Variants in ACTL8 observed in about 807,000 individuals in gnomAD.
The protein encoded by ACTL8 is actin like 8.
A neutral mutation model predicts 9.3 loss-of-function variants in ACTL8; 3 were observed. The observed-to-expected ratio is 0.32, with a 90% CI of 0.15 to 0.83. ACTL8 has a LOEUF of 0.83. ACTL8 is among the 40% of genes least tolerant of loss of function. The probability of loss-of-function intolerance (pLI) is 0.57; values close to 1 mark genes in which losing one functional copy is unlikely to be tolerated. For missense variants in ACTL8, 381 were observed against 492.2 expected (o/e 0.77, Z 2.14); for synonymous variants, 224 against 205.9 (o/e 1.09, Z -0.75).
chr1:17,763,764 C>A (rs1057389872), intron 1 of ACTL8, among the ~76,000 whole-genome samples: 1 of 152,214 alleles, frequency 6.6e-6, no homozygotes, highest in Non-Finnish European at 1.5e-5. Flanking sequence ...CATTCCCTCC[C>A]CCTGCAGAAA....
Position 17,761,578 on chromosome 1 carries a change from G to GT in ACTL8, c.-25+6084dup, listed in dbSNP as rs532574511. Among the ~76,000 whole-genome samples, 274 of 147,374 alleles carry GT rather than the reference G, an allele frequency of 1.9e-3. 2 individuals are homozygous for GT. Among genetic ancestry groups the GT allele is most frequent in the Admixed American group, 2.6e-3 (38 of 14,758 alleles). ...GGGTATGTGGGCCCAAACTTGTTCTGTTTTTTTTTTGGGACTGAGTCTCGC... is the reference window on the plus strand; with the variant it reads ...GGGTATGTGGGCCCAAACTTGTTCTGTTTTTTTTTTTGGGACTGAGTCTCGC... On this transcript the variant is annotated intron_variant, in intron 1 of 2. Coordinates refer to ENST00000375406, the MANE Select transcript of ACTL8 (RefSeq NM_030812.3).
intron 1 of ACTL8, among the ~76,000 whole-genome samples, chr1:17,782,577 C>T (rs557690334): frequency 1.1e-4 from 16 of 152,274 alleles, no homozygotes; most frequent in Admixed American, 4.6e-4. Flanking sequence ...ACATACGTAA[C>T]GGTGTAACTC....
intron 2 of ACTL8, among the ~76,000 whole-genome samples, chr1:17,825,545 G>GC (rs1373451782): frequency 1.3e-5 from 2 of 152,180 alleles, no homozygotes; most frequent in African/African-American, 4.8e-5. Context: ...GTGGTCTTCT[G>GC]AACAGCCACG....
intron 1 of ACTL8, among the ~76,000 whole-genome samples, chr1:17,788,166 G>A (rs1419737447): frequency 6.6e-6 from 1 of 152,160 alleles, no homozygotes; most frequent in African/African-American, 2.4e-5. Context: ...CTGTGTAGCA[G>A]TTATTTTGCC....
At chr1:17,813,260 A>G (rs569480618) in intron 1 of ACTL8, among the ~76,000 whole-genome samples, 1 of 152,336 alleles carries the variant, frequency 6.6e-6, no homozygotes, top group East Asian at 1.9e-4. Context: ...ACTATTACCT[A>G]TGTGAGTTGT....
chr1:17,826,131 A>G lies in ACTL8; in HGVS notation c.713A>G (p.Tyr238Cys). The change falls in exon 3 of 3, where the codon TAT becomes TGT. Residue 238 changes from tyrosine (Y) to cysteine (C), a missense_variant. This residue lies in a region of ACTL8 where 243 missense variants were observed against 276.2 expected (regional missense o/e 0.88). Transcript: ENST00000375406. The surrounding 1 kb of genome is among the most constrained non-coding windows in gnomAD (Gnocchi z 4.5). ...QQSALDESNT[Y>C]QLPDGSRVEL... is the part of the protein sequence containing the mutation. ...AGTGCCTTGGATGAGAGCAACACCTATCAGCTCCCAGACGGCTCCCGCGTG... is the reference window on the plus strand; with the variant it reads ...AGTGCCTTGGATGAGAGCAACACCTGTCAGCTCCCAGACGGCTCCCGCGTG... 6.2e-7 allele frequency: 1 copy of G among 1,610,936 alleles called. No individual in the cohort carries two copies. The highest frequency in any genetic ancestry group is 8.5e-7 in the Non-Finnish European group (1 of 1,178,914).
intron 1 of ACTL8, among the ~76,000 whole-genome samples, chr1:17,790,479 C>T (rs1324472854): frequency 1.3e-5 from 2 of 152,150 alleles, no homozygotes; most frequent in East Asian, 1.9e-4. Flanking sequence ...CAGTGGAGGC[C>T]CTGGAGTGGG....
At chr1:17,766,436 G>T (rs556712383) in intron 1 of ACTL8, among the ~76,000 whole-genome samples, 1 of 152,070 alleles carries the variant, frequency 6.6e-6, no homozygotes, top group Non-Finnish European at 1.5e-5. Context: ...ACACACACTC[G>T]GTCTGGGACC....
chr1:17,783,553 G>C lies in ACTL8; in HGVS notation c.-25+28049G>C, dbSNP rs72929186. Among the ~76,000 whole-genome samples the C allele has an allele frequency of 6.8e-3, 1,031 of 152,260 alleles. 9 individuals are homozygous for C. Among genetic ancestry groups the C allele is most frequent in the African/African-American group, 0.024 (991 of 41,540 alleles). On this transcript the variant is annotated intron_variant, in intron 1 of 2. Coordinates refer to ENST00000375406, the MANE Select transcript of ACTL8 (RefSeq NM_030812.3). ...CATGCCGGACTAGAATAGAGGAAAA[G>C]GAGTTCCATTCCTGCTGCCGTTTGG... is the stretch of plus-strand genomic sequence containing the variant.
At chr1:17,813,340 TA>T (rs2066405791) in intron 1 of ACTL8, among the ~76,000 whole-genome samples, 1 of 152,232 alleles carries the variant, frequency 6.6e-6, no homozygotes. Context: ...ATTTTTATGA[TA>T]AATGCATGTT....
At position 17,826,418 on chromosome 1, in the gene ACTL8, A is replaced by G. The variant is rs2053723210; in HGVS notation, c.1000A>G (p.Asn334Asp). Residue 334 changes from asparagine to aspartate, a missense_variant, in exon 3 of 3, where the codon AAC becomes GAC. Physicochemically the swap from Asn to Asp is conservative, Grantham distance 23 (BLOSUM62 1). This residue lies in a region of ACTL8 where 243 missense variants were observed against 276.2 expected (regional missense o/e 0.88). Coordinates refer to ENST00000375406, the MANE Select transcript of ACTL8 (RefSeq NM_030812.3). This position sits in a 1 kb window ranked among gnomAD's most constrained non-coding sequence, Gnocchi z 4.5. ...KATVWEGSNRNFSVWLGASVV... is the reference protein window; with the variant it reads ...KATVWEGSNRDFSVWLGASVV... ...CACAGTCTGGGAGGGTTCCAATAGA[A>G]ACTTTAGTGTCTGGCTAGGAGCGTC... 6.2e-7 allele frequency: 1 copy of G among 1,614,002 alleles called. No individual in the cohort carries two copies. Among genetic ancestry groups the G allele is most frequent in the Non-Finnish European group, 8.5e-7 (1 of 1,179,988 alleles).
At chr1:17,803,419 C>T (rs1219258080) in intron 1 of ACTL8, among the ~76,000 whole-genome samples, 1 of 152,210 alleles carries the variant, frequency 6.6e-6, no homozygotes, top group East Asian at 1.9e-4. Flanking sequence ...CAGCCTTCAC[C>T]TCCTGGGTTC....
intron 1 of ACTL8, among the ~76,000 whole-genome samples, chr1:17,820,214 T>C (rs2053642790): frequency 6.6e-6 from 1 of 152,128 alleles, no homozygotes; most frequent in African/African-American, 2.4e-5. Flanking sequence ...TTGGTCCTTA[T>C]AGTTTTACCT....
intron 1 of ACTL8, among the ~76,000 whole-genome samples, chr1:17,777,217 C>T (rs2066124510): frequency 2.0e-5 from 3 of 152,016 alleles, no homozygotes; most frequent in Non-Finnish European, 4.4e-5. Context: ...TGTCCTGGGT[C>T]AGAACTTTCA....
chr1:17,789,781 TC>T (rs141693374), intron 1 of ACTL8, among the ~76,000 whole-genome samples: 6,134 of 152,256 alleles, frequency 0.04, 416 homozygotes, highest in African/African-American at 0.14. Flanking sequence ...GATAACATTT[TC>T]CAAGTACCTG....
At chr1:17,778,343 G>A (rs1055516902) in intron 1 of ACTL8, among the ~76,000 whole-genome samples, 2 of 152,110 alleles carry the variant, frequency 1.3e-5, no homozygotes, top group Non-Finnish European at 2.9e-5. Flanking sequence ...TAAGCTGTAG[G>A]CCAGGGTGTC....
rs578234315 is a variant in ACTL8, at chr1:17,816,236, A to G, written c.-24-6749A>G. ...TTTTTTGAGACCAGGTTTTGCTCCC[A>G]TAGTCTCTAGGCTGAAGTGCAGTGG... On this transcript the variant is annotated intron_variant, in intron 1 of 2. Coordinates refer to ENST00000375406, the MANE Select transcript of ACTL8 (RefSeq NM_030812.3). 5.0e-4 allele frequency among the ~76,000 whole-genome samples: 70 copies of G among 140,270 alleles called. No homozygotes were observed. In the South Asian group the frequency reaches 0.013, roughly 27 times the overall value. 92.0% of individuals were successfully genotyped at this position (140,270 alleles called of 152,430 possible). A position where few individuals can be genotyped will look rare whatever the true frequency, so the allele number is the denominator to read the frequency against.
chr1:17,797,338 C>T (rs188538335), intron 1 of ACTL8, among the ~76,000 whole-genome samples: 1 of 152,318 alleles, frequency 6.6e-6, no homozygotes, highest in Admixed American at 6.5e-5. Flanking sequence ...TAGGACCTCT[C>T]TGTCCCTCCT....
intron 1 of ACTL8, among the ~76,000 whole-genome samples, chr1:17,762,318 G>C (rs920010775): frequency 6.6e-6 from 1 of 152,060 alleles, no homozygotes; most frequent in African/African-American, 2.4e-5. Flanking sequence ...GGGTCTTGTC[G>C]CTGGTCCACG....
Sources: allele counts gnomAD v4.1 joint callset (sites outside exome capture counted in the v4.1 genomes callset), GRCh38; gene constraint gnomAD v4.1.1; regional missense constraint gnomAD v4.1.1; non-coding constraint Gnocchi (gnomAD v3.1); transcripts MANE v1.5; gene names NCBI Gene and HGNC (gene_info 2026-07-23, HGNC 2026-07-21).